The following SNX6 variants were observed in gnomAD, a reference collection of about 807,000 sequenced individuals.
The protein encoded by SNX6 is sorting nexin 6.
In SNX6, 34 loss-of-function variants were observed where a neutral mutation model predicts 63.0. The observed-to-expected ratio is 0.54, with a 90% CI of 0.41 to 0.72. The LOEUF (loss-of-function observed/expected upper bound fraction) is 0.72. Among genes scored for constraint, SNX6 ranks in the 30% least tolerant of loss-of-function variants. SNX6 has a pLI of 0.00. For synonymous variants in SNX6, 170 were observed against 164.2 expected, an observed-to-expected ratio of 1.04 and a Z score of -0.27; for missense variants, 398 against 471.4, an observed-to-expected ratio of 0.84 and a Z score of 1.44.
intron 2 of SNX6, among the ~76,000 whole-genome samples, chr14:34,617,492 T>C (rs567098754): frequency 2.7e-5 from 4 of 150,656 alleles, no homozygotes; most frequent in Admixed American, 6.7e-5. Flanking sequence ...ATTTAAAAAT[T>C]AGCTGGGTGT....
chr14:34,605,424 T>C (rs1882977852), intron 5 of SNX6, 172 bp downstream of exon 5: 1 of 443,984 alleles, frequency 2.3e-6, no homozygotes, highest in Non-Finnish European at 3.9e-6. Flanking sequence ...AATTTTCCTG[T>C]AGGCTCTGAT....
intron 2 of SNX6, among the ~76,000 whole-genome samples, chr14:34,621,951 C>CTTTTTTTTTTTTT (rs1037764907): frequency 9.0e-5 from 7 of 77,408 alleles, no homozygotes; most frequent in Non-Finnish European, 1.2e-4. Context: ...CATGTCTTTC[C>CTTTTTTTTTTTTT]TTTTTTTTTT....
chr14:34,566,456 A>G (rs769438196), intron 13 of SNX6, among the ~76,000 whole-genome samples: 1 of 151,434 alleles, frequency 6.6e-6, no homozygotes, highest in African/African-American at 2.4e-5. Context: ...CAGATAATCC[A>G]CCCGGTCTTG....
chr14:34,587,590 C>A (rs1194628181), intron 8 of SNX6, among the ~76,000 whole-genome samples: 1 of 146,774 alleles, frequency 6.8e-6, no homozygotes, highest in African/African-American at 2.5e-5. Flanking sequence ...GACAAAAATC[C>A]TGGGCGATAG....
intron 2 of SNX6, among the ~76,000 whole-genome samples, chr14:34,625,807 AAC>A (rs1345978037): frequency 6.6e-6 from 1 of 152,222 alleles, no homozygotes; most frequent in East Asian, 1.9e-4. Context: ...AAGTGTGACC[AAC>A]AGTTTTCAAT....
chr14:34,589,111 A>C (rs1218418039), intron 8 of SNX6, among the ~76,000 whole-genome samples: 1 of 152,024 alleles, frequency 6.6e-6, no homozygotes, highest in African/African-American at 2.4e-5. Context: ...TCCAGCCTCC[A>C]GTCTTGGTGA....
intron 2 of SNX6, among the ~76,000 whole-genome samples, chr14:34,625,881 C>T (rs1883808007): frequency 6.6e-6 from 1 of 152,104 alleles, no homozygotes; most frequent in Non-Finnish European, 1.5e-5. Context: ...CAGAAACTTT[C>T]ATTTTGATTT....
At chr14:34,563,660 AG>A (rs1465450138) in intron 13 of SNX6, among the ~76,000 whole-genome samples, 1 of 152,174 alleles carries the variant, frequency 6.6e-6, no homozygotes, top group East Asian at 1.9e-4. Flanking sequence ...ATACACATAA[AG>A]GTTTAAATAC....
Position 34,629,922 on chromosome 14 carries a change from T to C in SNX6, c.39A>G (p.Ser13=), listed in dbSNP as rs753101971. The C allele has an allele frequency of 1.4e-5, 21 of 1,553,198 alleles. No homozygotes were observed. The highest frequency in any genetic ancestry group is 4.0e-5 in the Admixed American group (2 of 49,478). ...CAGAACTTACTCCGCGGTCCTCTTCTGAGAGGAAGTCCGGGCCGTCGTCCA... is the reference window on the plus strand; with the variant it reads ...CAGAACTTACTCCGCGGTCCTCTTCCGAGAGGAAGTCCGGGCCGTCGTCCA... ...EGLDDGPDFL[S]EEDRGLKAIN... The change falls in exon 2 of 14, where the codon TCA becomes TCG. Residue 13 remains serine, a synonymous_variant. Coordinates refer to ENST00000362031, the MANE Select transcript of SNX6 (RefSeq NM_152233.4).
chr14:34,567,555 G>C (rs1164874832), intron 13 of SNX6, 131 bp downstream of exon 13: 1 of 736,406 alleles, frequency 1.4e-6, no homozygotes, highest in East Asian at 2.7e-5. Flanking sequence ...CTTGGAAAAT[G>C]TAATTCCAGT....
At chr14:34,602,519 AG>A (rs1230622284) in intron 6 of SNX6, among the ~76,000 whole-genome samples, 1 of 147,040 alleles carries the variant, frequency 6.8e-6, no homozygotes, top group African/African-American at 2.5e-5. Flanking sequence ...TGAACTTGGG[AG>A]GAGGAGGTCA....
chr14:34,563,602 A>G (rs1254577582), intron 13 of SNX6, among the ~76,000 whole-genome samples: 2 of 152,100 alleles, frequency 1.3e-5, no homozygotes, highest in African/African-American at 2.4e-5. Context: ...GTTAGAAGTC[A>G]TATGACTTTA....
chr14:34,629,595 G>A (rs1370433843), intron 2 of SNX6: 3 of 631,496 alleles, frequency 4.8e-6, no homozygotes, highest in Non-Finnish European at 8.8e-6. Flanking sequence ...GGGTGGGGGC[G>A]TTCCATCTCC....
Position 34,563,104 on chromosome 14 carries a change from A to T in SNX6, c.*18T>A. 1 of 1,612,632 alleles carries T rather than the reference A, an allele frequency of 6.2e-7. No individual in the cohort carries two copies. Among genetic ancestry groups the T allele is most frequent in the Non-Finnish European group, 8.5e-7 (1 of 1,178,962 alleles). ...TTGAAGGAAGGCAGCCCTTTTTAAC[A>T]GGAAGGCGGAGTGTGGCTTATGTGT... is the stretch of plus-strand genomic sequence containing the variant. On this transcript the variant is annotated 3_prime_UTR_variant, in exon 14 of 14. Coordinates refer to ENST00000362031, the MANE Select transcript of SNX6 (RefSeq NM_152233.4).
At chr14:34,623,896 C>T (rs996654897) in intron 2 of SNX6, among the ~76,000 whole-genome samples, 1 of 152,114 alleles carries the variant, frequency 6.6e-6, no homozygotes. Flanking sequence ...CTCTGGCATG[C>T]ACTGTTCTTA....
At chr14:34,610,352 C>CAAACAAAAAA (rs1491450863) in intron 2 of SNX6, among the ~76,000 whole-genome samples, 1 of 77,694 alleles carries the variant, frequency 1.3e-5, no homozygotes, top group Non-Finnish European at 2.3e-5. Flanking sequence ...AAAACCGTCT[C>CAAACAAAAAA]AAAAAAAAAA....
chr14:34,591,313 G>A (rs1482787685), intron 8 of SNX6, among the ~76,000 whole-genome samples: 3 of 152,026 alleles, frequency 2.0e-5, no homozygotes, highest in South Asian at 2.1e-4. Flanking sequence ...GCACTTGGCC[G>A]TTTAGAAAAC....
chr14:34,571,505 C>T (rs1256021070), intron 11 of SNX6, among the ~76,000 whole-genome samples: 1 of 152,044 alleles, frequency 6.6e-6, no homozygotes, highest in Non-Finnish European at 1.5e-5. Flanking sequence ...GCAAGAAGCC[C>T]ACCTGAAAAC....
chr14:34,628,969 C>A (rs1883932311), intron 2 of SNX6, among the ~76,000 whole-genome samples: 1 of 151,950 alleles, frequency 6.6e-6, no homozygotes, highest in Non-Finnish European at 1.5e-5. Context: ...GGAATCAGAG[C>A]CCGGAAGGCT....
Sources: allele counts gnomAD v4.1 joint callset (sites outside exome capture counted in the v4.1 genomes callset), GRCh38; gene constraint gnomAD v4.1.1; transcripts MANE v1.5; gene names NCBI Gene and HGNC (gene_info 2026-07-23, HGNC 2026-07-21).